Variants in COLEC10 observed in about 807,000 individuals in gnomAD.
COLEC10 encodes collectin-10.
A neutral mutation model predicts 28.4 loss-of-function variants in COLEC10; 22 were observed. That is an observed-to-expected ratio of 0.78 (90% CI 0.55 to 1.11). COLEC10 has a LOEUF of 1.11. Among genes scored for constraint, COLEC10 ranks in the 50% least tolerant of loss-of-function variants. COLEC10 has a pLI of 0.00. For missense variants in COLEC10, 361 were observed against 344.1 expected (o/e 1.05, Z -0.39); for synonymous variants, 125 against 116.1 (o/e 1.08, Z -0.49).
chr8:119,003,849 G>A (rs1166060428), intron 1 of COLEC10, among the ~76,000 whole-genome samples: 1 of 152,046 alleles, frequency 6.6e-6, no homozygotes, highest in Non-Finnish European at 1.5e-5. Flanking sequence ...ATTGACGCAA[G>A]TTGATAAGGT....
chr8:119,002,338 A>T (rs1247830639), intron 1 of COLEC10, among the ~76,000 whole-genome samples: 1 of 152,152 alleles, frequency 6.6e-6, no homozygotes, highest in African/African-American at 2.4e-5. Flanking sequence ...TTATCACACT[A>T]ATACCACTTA....
chr8:118,976,961 A>G, the COLEC10 span, among the ~76,000 whole-genome samples: 1 of 150,404 alleles, frequency 6.6e-6, no homozygotes, highest in African/African-American at 2.4e-5. Flanking sequence ...ACACTTCTCA[A>G]AAGAAGACAT....
At chr8:118,996,010 G>C (rs930484785) in intron 1 of COLEC10, among the ~76,000 whole-genome samples, 1 of 152,078 alleles carries the variant, frequency 6.6e-6, no homozygotes, top group African/African-American at 2.4e-5. Flanking sequence ...TTGCATAGTT[G>C]AAACTTTGCA....
At chr8:119,025,870 C>T (rs1036772246) in intron 2 of COLEC10, among the ~76,000 whole-genome samples, 1 of 152,124 alleles carries the variant, frequency 6.6e-6, no homozygotes, top group South Asian at 2.1e-4. Flanking sequence ...ACAATCACAC[C>T]TCATCTCTAG....
chr8:118,993,985 G>A (rs1037835060), upstream of COLEC10, among the ~76,000 whole-genome samples: 1 of 152,160 alleles, frequency 6.6e-6, no homozygotes, highest in Non-Finnish European at 1.5e-5. Context: ...GCTAGGACTT[G>A]CTTTTAGCCA....
chr8:119,031,138 A>G lies in COLEC10; in HGVS notation n.235+21585A>G, dbSNP rs557349778. On this transcript the variant is annotated intron_variant and non_coding_transcript_variant, in intron 2 of 6. Coordinates refer to the COLEC10 transcript ENST00000521788. Reference sequence around the variant, plus strand: ...AAACCTATCCTTCCTCTAAGGGTACATGGAGCTTTCTACAAAGTTCCGTCT... The same window carrying G: ...AAACCTATCCTTCCTCTAAGGGTACGTGGAGCTTTCTACAAAGTTCCGTCT... Among the ~76,000 whole-genome samples, 4 of 152,378 alleles carry G rather than the reference A, an allele frequency of 2.6e-5. No individual in the cohort carries two copies. In the South Asian group the frequency reaches 8.3e-4, roughly 32 times the overall value.
chr8:118,958,555 A>G, the COLEC10 span, among the ~76,000 whole-genome samples: 21 of 152,220 alleles, frequency 1.4e-4, no homozygotes, highest in Non-Finnish European at 1.5e-5. Context: ...GAAGCTTTCA[A>G]ATTCATGAAC....
intron 1 of COLEC10, among the ~76,000 whole-genome samples, chr8:119,080,727 C>A (rs546065918): frequency 6.6e-6 from 1 of 152,092 alleles, no homozygotes; most frequent in Non-Finnish European, 1.5e-5. Flanking sequence ...AATGATATCT[C>A]TTTTTACCAT....
intron 2 of COLEC10, among the ~76,000 whole-genome samples, chr8:119,009,722 C>A (rs898805294): frequency 6.6e-6 from 1 of 150,652 alleles, no homozygotes; most frequent in Non-Finnish European, 1.5e-5. Context: ...GGGTAAATCA[C>A]CTTTGATCTG....
the COLEC10 span, among the ~76,000 whole-genome samples, chr8:118,975,496 G>A: frequency 6.6e-6 from 1 of 151,952 alleles, no homozygotes; most frequent in Non-Finnish European, 1.5e-5. Flanking sequence ...TTTAATGAAT[G>A]TGATGAAATT....
chr8:119,009,192 G>A (rs1485062982), intron 1 of COLEC10, among the ~76,000 whole-genome samples: 1 of 150,902 alleles, frequency 6.6e-6, no homozygotes, highest in Non-Finnish European at 1.5e-5. Context: ...TCCCCTTAAG[G>A]ATGAATTTTG....
chr8:118,958,534 G>T, the COLEC10 span, among the ~76,000 whole-genome samples: 3,084 of 152,226 alleles, frequency 0.02, 57 homozygotes, highest in South Asian at 0.043. Flanking sequence ...GCAAGAAAAA[G>T]CCTCACGGCT....
intron 2 of COLEC10, among the ~76,000 whole-genome samples, chr8:119,018,972 C>T (rs1814042122): frequency 6.6e-6 from 1 of 152,076 alleles, no homozygotes. Flanking sequence ...TGCTCGAAGC[C>T]TTTTTGTCAA....
chr8:119,003,152 TATAAC>T (rs1375527535), intron 1 of COLEC10, among the ~76,000 whole-genome samples: 3 of 152,132 alleles, frequency 2.0e-5, no homozygotes, highest in African/African-American at 2.4e-5. Flanking sequence ...ATGTGACAGT[TATAAC>T]AGACATGTAT....
intron 1 of COLEC10, among the ~76,000 whole-genome samples, chr8:119,083,378 G>A (rs1455813981): frequency 6.6e-6 from 1 of 152,274 alleles, no homozygotes; most frequent in East Asian, 1.9e-4. Context: ...AGACTTGTGG[G>A]CTCTTATTGG....
Position 119,033,632 on chromosome 8 carries a change from GA to G in COLEC10, n.235+24086del, listed in dbSNP as rs1048335581. On this transcript the variant is annotated intron_variant and non_coding_transcript_variant, in intron 2 of 6. Transcript: ENST00000521788. Reference sequence around the variant, plus strand: ...AGACATTTATGCAGCCAACAAACATGAAAAAAACCTCATCATCACTGGTCAT... The same window carrying G: ...AGACATTTATGCAGCCAACAAACATGAAAAAACCTCATCATCACTGGTCAT... Among the ~76,000 whole-genome samples the G allele has an allele frequency of 1.2e-3, 186 of 152,092 alleles. 4 individuals carry two copies. Among genetic ancestry groups the G allele is most frequent in the Non-Finnish European group, 1.6e-3 (108 of 67,978 alleles).
the COLEC10 span, among the ~76,000 whole-genome samples, chr8:118,963,934 C>A: frequency 6.6e-6 from 1 of 152,070 alleles, no homozygotes. Flanking sequence ...CCTTGCCCTC[C>A]TTGGGGGGAT....
intron 2 of COLEC10, among the ~76,000 whole-genome samples, chr8:119,042,948 A>G (rs1814524320): frequency 6.6e-6 from 1 of 152,166 alleles, no homozygotes; most frequent in Non-Finnish European, 1.5e-5. Flanking sequence ...TGAAATTTAC[A>G]ACAGAGTCAC....
chr8:118,965,596 A>G, the COLEC10 span, among the ~76,000 whole-genome samples: 6 of 151,880 alleles, frequency 4.0e-5, no homozygotes, highest in Non-Finnish European at 8.8e-5. Flanking sequence ...TGGCAATTCC[A>G]GTCTCCGTGT....
Sources: allele counts gnomAD v4.1 joint callset (sites outside exome capture counted in the v4.1 genomes callset), GRCh38; gene constraint gnomAD v4.1.1; transcripts MANE v1.5; gene names NCBI Gene and HGNC (gene_info 2026-07-23, HGNC 2026-07-21).